The following DYSF variants were observed in gnomAD, a reference collection of about 807,000 sequenced individuals.
The protein encoded by DYSF is dysferlin, also known as dystrophy-associated fer-1-like 1.
A neutral mutation model predicts 274.9 loss-of-function variants in DYSF; 212 were observed. The ratio of observed to expected loss-of-function variants is 0.77; its 90% CI spans 0.69 to 0.86. DYSF has a LOEUF of 0.86. DYSF is among the 40% of genes least tolerant of loss of function. The pLI is 0.00. For synonymous variants in DYSF, 1,091 were observed against 1,078.7 expected (o/e 1.01, Z -0.22); for missense variants, 2,666 against 2,783.2 (o/e 0.96, Z 0.95).
chr2:71,560,684 C>T (rs1488225091), intron 22 of DYSF, among the ~76,000 whole-genome samples: 2 of 151,888 alleles, frequency 1.3e-5, no homozygotes, highest in South Asian at 2.1e-4. Context: ...GCGGCGGTGC[C>T]GCTGCGCTCC....
chr2:71,655,020 G>A (rs1452480964), intron 42 of DYSF, among the ~76,000 whole-genome samples: 2 of 152,184 alleles, frequency 1.3e-5, no homozygotes, highest in Non-Finnish European at 2.9e-5. Context: ...GAGCCCAGGA[G>A]TTCAAGGCTG....
intron 1 of DYSF, among the ~76,000 whole-genome samples, chr2:71,477,910 A>G (rs1040469420): frequency 6.6e-6 from 1 of 152,182 alleles, no homozygotes; most frequent in Non-Finnish European, 1.5e-5. Flanking sequence ...GATTTTCTTC[A>G]TAGACATCAA....
intron 7 of DYSF, 104 bp downstream of exon 7, chr2:71,514,025 G>A: frequency 7.5e-7 from 1 of 1,340,842 alleles, no homozygotes. Flanking sequence ...ATGTGTGTGG[G>A]ATCCTCAGGG....
chr2:71,673,148 C>T lies in DYSF; in HGVS notation c.5785-1049C>T, dbSNP rs575421480. 8.5e-5 allele frequency among the ~76,000 whole-genome samples: 13 copies of T among 152,348 alleles called. No individual in the cohort carries two copies. The South Asian group carries it at 2.7e-3, about 32-fold the overall frequency. On this transcript the variant is annotated intron_variant, in intron 51 of 55. Coordinates refer to ENST00000410020, the MANE Select transcript of DYSF (RefSeq NM_001130987.2). Reference sequence around the variant, plus strand: ...GCACTCAGGACTTGGCACCCACCATCTGCAGGGTGGTCACACTGTTTCCTG... The same window carrying T: ...GCACTCAGGACTTGGCACCCACCATTTGCAGGGTGGTCACACTGTTTCCTG...
At chr2:71,635,463 G>C (rs1046479554) in intron 41 of DYSF, among the ~76,000 whole-genome samples, 1 of 152,180 alleles carries the variant, frequency 6.6e-6, no homozygotes, top group African/African-American at 2.4e-5. Context: ...AAAAGATAAA[G>C]GGGGCTGGGT....
At chr2:71,601,326 G>A in intron 34 of DYSF, 173 bp from the exon 35 acceptor site, 1 of 823,728 alleles carries the variant, frequency 1.2e-6, no homozygotes, top group Non-Finnish European at 2.1e-6. Context: ...TGCTCTGGGT[G>A]AAGTGTCTGG....
chr2:71,662,562 CAT>C (rs2094905412), intron 45 of DYSF, among the ~76,000 whole-genome samples: 2 of 147,510 alleles, frequency 1.4e-5, no homozygotes, highest in Non-Finnish European at 3.0e-5. Context: ...TATATGTGTG[CAT>C]GTGTATTTGT....
chr2:71,513,460 GA>G, intron 6 of DYSF, 128 bp downstream of exon 6: 3 of 1,018,932 alleles, frequency 2.9e-6, no homozygotes, highest in Non-Finnish European at 4.4e-6. Context: ...TGGCGGGTGG[GA>G]GGGCTAGGGC....
chr2:71,612,336 C>T (rs1264230423), intron 38 of DYSF, among the ~76,000 whole-genome samples: 1 of 152,152 alleles, frequency 6.6e-6, no homozygotes, highest in Non-Finnish European at 1.5e-5. Context: ...GAGTCCCGGG[C>T]CAACTCCCCT....
intron 17 of DYSF, among the ~76,000 whole-genome samples, chr2:71,540,120 T>C (rs1006477622): frequency 7.9e-5 from 12 of 151,036 alleles, no homozygotes; most frequent in Non-Finnish European, 1.5e-4. Flanking sequence ...TTTTCTTTTT[T>C]TTTTTTTTTG....
At chr2:71,612,302 G>T (rs986990773) in intron 38 of DYSF, among the ~76,000 whole-genome samples, 1 of 152,098 alleles carries the variant, frequency 6.6e-6, no homozygotes, top group Non-Finnish European at 1.5e-5. Flanking sequence ...TATCCACTTG[G>T]GGGGACTGTC....
rs751509147 is a variant in DYSF, at chr2:71,564,035, C to G, written c.2410-23C>G. 2.5e-6 allele frequency: 4 copies of G among 1,613,512 alleles called. No homozygotes were observed. The Admixed American group carries it at 6.7e-5, about 27-fold the overall frequency. ...GGGCCTGGTGTGTCACCATCCCCAC[C>G]CCGACCACCACCCTCTGTTCAGCCC... On this transcript the variant is annotated intron_variant, in intron 23 of 55. Transcript: ENST00000410020.
upstream of DYSF, among the ~76,000 whole-genome samples, chr2:71,465,637 C>A (rs770636266): frequency 6.6e-6 from 1 of 152,072 alleles, no homozygotes; most frequent in Non-Finnish European, 1.5e-5. Context: ...AATGCTGTAT[C>A]CCTCAAAATA....
chr2:71,589,531 A>G, intron 30 of DYSF, 62 bp from the exon 31 acceptor site: 2 of 1,322,858 alleles, frequency 1.5e-6, no homozygotes, highest in Non-Finnish European at 2.2e-6. Context: ...TCTCTGGGCT[A>G]GTCTCCCTGC....
chr2:71,561,955 C>T lies in DYSF; in HGVS notation c.2409+11C>T, dbSNP rs1468572261. 1 of 1,612,084 alleles carries T rather than the reference C, an allele frequency of 6.2e-7. No homozygotes were observed. Among genetic ancestry groups the T allele is most frequent in the Middle Eastern group, 1.7e-4 (1 of 5,718 alleles). On this transcript the variant is annotated intron_variant, in intron 23 of 55. Coordinates refer to ENST00000410020, the MANE Select transcript of DYSF (RefSeq NM_001130987.2). The stretch of plus-strand genomic sequence containing the variant: ...GCCCTGGCAGAGGAGGTAATTAAGC[C>T]TGGGGGTGCCTTTCTTCTTCTGCTC...
Position 71,567,974 on chromosome 2 carries a change from C to A in DYSF, c.2589C>A (p.Gly863=). The change falls in exon 25 of 56, where the codon GGC becomes GGA. Residue 863 remains glycine, a synonymous_variant. Transcript: ENST00000410020. ...FLKYPMEKVP[G]ARMPVQIRVK... ...AGTATCCGATGGAGAAGGTGCCTGG[C>A]GCCCGGATGCCAGTGCAGATACGGG... The A allele has an allele frequency of 1.2e-6, 2 of 1,614,068 alleles. No individual in the cohort carries two copies. Among genetic ancestry groups the A allele is most frequent in the Non-Finnish European group, 1.7e-6 (2 of 1,180,018 alleles).
At chr2:71,625,179 T>G (rs1425947977) in intron 41 of DYSF, among the ~76,000 whole-genome samples, 1 of 152,202 alleles carries the variant, frequency 6.6e-6, no homozygotes, top group Admixed American at 6.5e-5. Context: ...GCTCTCTCAA[T>G]CTGAAATTCC....
chr2:71,618,550 T>G (rs1393306118), intron 40 of DYSF, among the ~76,000 whole-genome samples: 9 of 129,244 alleles, frequency 7.0e-5, no homozygotes, highest in Admixed American at 3.2e-4. Context: ...GTGTGTGTGG[T>G]AGAGGTGGAG....
chr2:71,453,963 GCGC>G, exon 1 of DYSF: 1 of 1,611,518 alleles, frequency 6.2e-7, no homozygotes, highest in Non-Finnish European at 8.5e-7. Flanking sequence ...AGCCCTCTTT[GCGC>G]CCTGGGCGCA....
Sources: gnomAD v4.1 joint callset for allele counts (sites outside exome capture counted in the v4.1 genomes callset) on GRCh38, gnomAD v4.1.1 for gene constraint, MANE v1.5 for transcripts, NCBI Gene and HGNC (gene_info 2026-07-23, HGNC 2026-07-21) for gene names.